Variants in ZBTB16 observed in about 807,000 individuals in gnomAD.
The protein encoded by ZBTB16 is zinc finger and BTB domain-containing protein 16.
A neutral mutation model predicts 56.8 loss-of-function variants in ZBTB16; 8 were observed. The observed-to-expected ratio is 0.14, with a 90% confidence interval of 0.08 to 0.25. ZBTB16 has a LOEUF of 0.25. ZBTB16 is among the 10% of genes least tolerant of loss of function. The probability of loss-of-function intolerance (pLI) is 1.00; values close to 1 mark genes in which losing one functional copy is unlikely to be tolerated. For synonymous variants in ZBTB16, 363 were observed against 368.5 expected, an observed-to-expected ratio of 0.98 and a Z score of 0.17; for missense variants, 625 against 903.0, an observed-to-expected ratio of 0.69 and a Z score of 3.95.
At chr11:114,242,487 G>T in intron 5 of ZBTB16, 150 bp downstream of exon 5, 1 of 1,162,226 alleles carries the variant, frequency 8.6e-7, no homozygotes. Context: ...CCGTCGTGCA[G>T]GTAAATGTGG....
Position 114,256,035 on chromosome 11 carries a change from G to GTT in ZBTB16, c.*5487_*5488dup, listed in dbSNP as rs377572913. Among the ~76,000 whole-genome samples the GTT allele has an allele frequency of 1.1e-3, 160 of 140,408 alleles. No homozygotes were observed. Among genetic ancestry groups the GTT allele is most frequent in the East Asian group, 1.6e-3 (8 of 4,918 alleles). 92.1% of individuals were successfully genotyped at this position (140,408 alleles called of 152,430 possible). On this transcript the variant is annotated 3_prime_UTR_variant, in exon 7 of 7. Transcript: ENST00000335953. ...TGGTTTTGTTTTGTTTTTTTTTTTT[G>GTT]TTTTTTTTGCCTTTTCTTGTGTGGG...
intron 2 of ZBTB16, among the ~76,000 whole-genome samples, chr11:114,098,267 C>T (rs1389509630): frequency 6.6e-6 from 1 of 152,124 alleles, no homozygotes; most frequent in African/African-American, 2.4e-5. Flanking sequence ...GTATCATAGC[C>T]AGCAGCCTCG....
At chr11:114,191,869 G>C (rs915037610) in intron 4 of ZBTB16, among the ~76,000 whole-genome samples, 1 of 152,210 alleles carries the variant, frequency 6.6e-6, no homozygotes, top group African/African-American at 2.4e-5. Flanking sequence ...GGGAAAAGTA[G>C]TCCATTGGAG....
intron 4 of ZBTB16, among the ~76,000 whole-genome samples, chr11:114,192,362 G>A (rs376758895): frequency 2.1e-4 from 32 of 152,252 alleles, no homozygotes; most frequent in Middle Eastern, 3.4e-3. Context: ...GATAGAAGGC[G>A]GTGGAAGGCT....
chr11:114,131,932 C>G (rs918295040), intron 2 of ZBTB16, among the ~76,000 whole-genome samples: 1 of 152,010 alleles, frequency 6.6e-6, no homozygotes, highest in Non-Finnish European at 1.5e-5. Flanking sequence ...CTTTGACTTT[C>G]TTTGAGAAAA....
At chr11:114,174,549 C>T (rs1943057663) in intron 3 of ZBTB16, among the ~76,000 whole-genome samples, 2 of 152,128 alleles carry the variant, frequency 1.3e-5, no homozygotes, top group Non-Finnish European at 1.5e-5. Flanking sequence ...GGCGTGGTGG[C>T]ATGAGCCTCC....
intron 4 of ZBTB16, among the ~76,000 whole-genome samples, chr11:114,213,476 A>G (rs564300567): frequency 6.6e-6 from 1 of 152,196 alleles, no homozygotes; most frequent in Non-Finnish European, 1.5e-5. Context: ...TTGGACTGAT[A>G]GGGCACCACT....
chr11:114,206,001 G>A (rs1054909764), intron 4 of ZBTB16, among the ~76,000 whole-genome samples: 2 of 152,142 alleles, frequency 1.3e-5, no homozygotes, highest in African/African-American at 4.8e-5. Context: ...ACCTCATCTG[G>A]CTCCCTAGCT....
chr11:114,090,999 A>G (rs1194550699), intron 2 of ZBTB16, among the ~76,000 whole-genome samples: 2 of 152,096 alleles, frequency 1.3e-5, no homozygotes, highest in African/African-American at 2.4e-5. Flanking sequence ...GTGTGTGTGT[A>G]GTGGGATGGT....
intron 2 of ZBTB16, among the ~76,000 whole-genome samples, chr11:114,081,964 A>C (rs1939779395): frequency 6.6e-6 from 1 of 151,974 alleles, no homozygotes; most frequent in African/African-American, 2.4e-5. Context: ...TGCCACTTGC[A>C]AACTGTGTGA....
intron 2 of ZBTB16, among the ~76,000 whole-genome samples, chr11:114,122,292 G>A (rs563175393): frequency 1.4e-4 from 21 of 152,294 alleles, no homozygotes; most frequent in African/African-American, 3.4e-4. Context: ...GGTTTGTGGC[G>A]TGTTCTTTGG....
Position 114,198,649 on chromosome 11 carries a change from T to C in ZBTB16, c.1453+11611T>C, listed in dbSNP as rs186907523. ...AATGGAGAGTATAGAGTTCCCACTG[T>C]ACCCCCGTCCTCACACGCAAGTGCA... is the stretch of plus-strand genomic sequence containing the variant. On this transcript the variant is annotated intron_variant, in intron 4 of 6. Transcript: ENST00000335953. Among the ~76,000 whole-genome samples, 675 of 152,324 alleles carry C rather than the reference T, an allele frequency of 4.4e-3. 6 individuals carry two copies. Among genetic ancestry groups the C allele is most frequent in the African/African-American group, 0.016 (646 of 41,580 alleles).
At chr11:114,100,813 A>G (rs1940579283) in intron 2 of ZBTB16, among the ~76,000 whole-genome samples, 1 of 152,214 alleles carries the variant, frequency 6.6e-6, no homozygotes, top group African/African-American at 2.4e-5. Context: ...GACAGTGACT[A>G]TCAGAATCCT....
chr11:114,189,842 A>G (rs575840723), intron 4 of ZBTB16: 1 of 152,346 alleles, frequency 6.6e-6, no homozygotes, highest in East Asian at 1.9e-4. Context: ...AGCCAAGAGA[A>G]GTGAGAATAT....
chr11:114,161,222 C>T lies in ZBTB16; in HGVS notation c.1366+4788C>T, dbSNP rs183628961. Among the ~76,000 whole-genome samples, 13 of 152,280 alleles carry T rather than the reference C, an allele frequency of 8.5e-5. No homozygotes were observed. In the East Asian group the frequency reaches 1.4e-3, roughly 16 times the overall value. On this transcript the variant is annotated intron_variant, in intron 3 of 6. Transcript: ENST00000335953. Reference sequence around the variant, plus strand: ...GTAGATTTCCCACAGCTTGGCTTAACGTCCTGGTGGCTTATAAGTGAGCAT... The same window carrying T: ...GTAGATTTCCCACAGCTTGGCTTAATGTCCTGGTGGCTTATAAGTGAGCAT...
intron 4 of ZBTB16, among the ~76,000 whole-genome samples, chr11:114,193,006 C>T (rs1332448375): frequency 6.6e-6 from 1 of 152,218 alleles, no homozygotes; most frequent in Non-Finnish European, 1.5e-5. Context: ...TATGGAGCAC[C>T]CCCTGTGTGC....
At chr11:114,225,061 C>A (rs1211933722) in intron 4 of ZBTB16, among the ~76,000 whole-genome samples, 2 of 152,022 alleles carry the variant, frequency 1.3e-5, no homozygotes, top group African/African-American at 4.8e-5. Flanking sequence ...GTACAGCAGG[C>A]TGGTGAAATT....
At chr11:114,202,093 G>A (rs1757126402) in intron 4 of ZBTB16, among the ~76,000 whole-genome samples, 1 of 152,194 alleles carries the variant, frequency 6.6e-6, no homozygotes, top group Non-Finnish European at 1.5e-5. Context: ...CAGCACAGGG[G>A]AATGGGCCTG....
At chr11:114,199,316 G>A (rs755094719) in intron 4 of ZBTB16, among the ~76,000 whole-genome samples, 2 of 151,510 alleles carry the variant, frequency 1.3e-5, no homozygotes, top group Non-Finnish European at 2.9e-5. Flanking sequence ...GCTGGGCCCC[G>A]GGATGGGGAT....
Sources: gnomAD v4.1 joint callset for allele counts (sites outside exome capture counted in the v4.1 genomes callset) on GRCh38, gnomAD v4.1.1 for gene constraint, MANE v1.5 for transcripts, NCBI Gene and HGNC (gene_info 2026-07-23, HGNC 2026-07-21) for gene names.